The following FER variants were observed in gnomAD, a reference collection of about 807,000 sequenced individuals.
FER encodes the protein FER tyrosine kinase.
In FER, 63 loss-of-function variants were observed where a neutral mutation model predicts 111.0. The observed-to-expected ratio is 0.57, with a 90% CI of 0.46 to 0.70. FER has a LOEUF of 0.70. FER is among the 30% of genes least tolerant of loss of function. FER has a pLI of 0.00. For synonymous variants in FER, 327 were observed against 313.9 expected, an observed-to-expected ratio of 1.04 and a Z score of -0.44; for missense variants, 914 against 954.0, an observed-to-expected ratio of 0.96 and a Z score of 0.55.
intron 19 of FER, among the ~76,000 whole-genome samples, chr5:109,186,987 T>TAA (rs925661556): frequency 3.3e-5 from 5 of 152,214 alleles, no homozygotes; most frequent in Non-Finnish European, 5.9e-5. Context: ...CAACAGACGG[T>TAA]AAAAGAATAT....
chr5:108,889,310 C>T (rs926326619), intron 9 of FER, among the ~76,000 whole-genome samples: 2 of 151,740 alleles, frequency 1.3e-5, no homozygotes, highest in East Asian at 1.9e-4. Flanking sequence ...AAGCAACCTA[C>T]GTGTCCATCA....
intron 16 of FER, among the ~76,000 whole-genome samples, chr5:109,054,293 A>C (rs1281031146): frequency 6.6e-6 from 1 of 152,220 alleles, no homozygotes; most frequent in East Asian, 1.9e-4. Flanking sequence ...CGTCGTCAGC[A>C]CTTACTTGGC....
At chr5:108,921,050 A>G (rs1483801467) in intron 10 of FER, among the ~76,000 whole-genome samples, 2 of 152,098 alleles carry the variant, frequency 1.3e-5, no homozygotes, top group Non-Finnish European at 2.9e-5. Context: ...CGTATGACCA[A>G]CTGCCTTCTT....
intron 8 of FER, among the ~76,000 whole-genome samples, chr5:108,880,806 C>T (rs1349241701): frequency 1.3e-5 from 2 of 151,866 alleles, no homozygotes; most frequent in Non-Finnish European, 2.9e-5. Flanking sequence ...AGTATTATTG[C>T]TTTATTTTGC....
chr5:108,957,991 A>G (rs936717834), intron 12 of FER, among the ~76,000 whole-genome samples: 1 of 151,642 alleles, frequency 6.6e-6, no homozygotes, highest in African/African-American at 2.4e-5. Context: ...AGGTCTGCCT[A>G]CTATGTACAA....
chr5:109,003,950 A>G (rs563610361), intron 13 of FER, among the ~76,000 whole-genome samples: 3 of 152,364 alleles, frequency 2.0e-5, no homozygotes, highest in Non-Finnish European at 4.4e-5. Flanking sequence ...ACTGCACTTC[A>G]GCCTGGGCGA....
chr5:108,816,135 A>G (rs1405091026), intron 3 of FER, among the ~76,000 whole-genome samples: 1 of 151,970 alleles, frequency 6.6e-6, no homozygotes, highest in South Asian at 2.1e-4. Context: ...AAAAAAAACC[A>G]TGAGTTTGTT....
intron 1 of FER, among the ~76,000 whole-genome samples, chr5:108,749,509 T>C (rs533713251): frequency 1.3e-3 from 200 of 152,260 alleles, no homozygotes; most frequent in African/African-American, 4.3e-3. Context: ...TACGGGGGCA[T>C]TCTCAACCCC....
intron 1 of FER, among the ~76,000 whole-genome samples, chr5:108,750,318 GTA>G (rs536564642): frequency 2.6e-5 from 4 of 152,140 alleles, no homozygotes; most frequent in Non-Finnish European, 5.9e-5. Context: ...TGTAGTCCTG[GTA>G]TATATACCTG....
chr5:108,767,468 G>C (rs1752447925), intron 1 of FER, among the ~76,000 whole-genome samples: 1 of 152,070 alleles, frequency 6.6e-6, no homozygotes, highest in African/African-American at 2.4e-5. Flanking sequence ...ATAATCACTG[G>C]CTTCTTCTGA....
intron 5 of FER, among the ~76,000 whole-genome samples, chr5:108,863,983 A>G (rs1392575775): frequency 6.6e-6 from 1 of 152,144 alleles, no homozygotes; most frequent in Non-Finnish European, 1.5e-5. Flanking sequence ...CTAGTTTTAG[A>G]ACATGTTTCT....
intron 13 of FER, among the ~76,000 whole-genome samples, chr5:108,966,763 A>G (rs555541170): frequency 1.8e-4 from 27 of 152,156 alleles, no homozygotes; most frequent in Middle Eastern, 3.2e-3. Context: ...AATGTACAAC[A>G]AAATGTACAA....
chr5:109,034,180 G>C (rs1271765353), intron 13 of FER, among the ~76,000 whole-genome samples: 2 of 152,066 alleles, frequency 1.3e-5, no homozygotes, highest in Non-Finnish European at 2.9e-5. Flanking sequence ...CCAACATTCT[G>C]TTCTCTACTG....
intron 13 of FER, among the ~76,000 whole-genome samples, chr5:108,976,114 G>A (rs1761305213): frequency 6.6e-6 from 1 of 152,084 alleles, no homozygotes; most frequent in African/African-American, 2.4e-5. Flanking sequence ...TTTAGCATGC[G>A]ACAAGGGCCT....
chr5:108,791,155 A>G (rs752010290), intron 2 of FER, among the ~76,000 whole-genome samples: 1 of 152,174 alleles, frequency 6.6e-6, no homozygotes, highest in Non-Finnish European at 1.5e-5. Flanking sequence ...TTGGTCGGGT[A>G]TATACCTGGG....
chr5:108,777,856 C>G (rs747569122), intron 2 of FER, among the ~76,000 whole-genome samples: 5 of 152,102 alleles, frequency 3.3e-5, no homozygotes, highest in Non-Finnish European at 7.4e-5. Flanking sequence ...TCTCGTGAGA[C>G]CCATTCACGA....
At chr5:109,106,723 A>C (rs767355101) in intron 17 of FER, among the ~76,000 whole-genome samples, 3 of 152,124 alleles carry the variant, frequency 2.0e-5, no homozygotes, top group Non-Finnish European at 2.9e-5. Flanking sequence ...CTACTGCTTT[A>C]TTCAGGGTAA....
intron 16 of FER, among the ~76,000 whole-genome samples, chr5:109,067,368 A>G (rs2149983494): frequency 6.6e-6 from 1 of 152,168 alleles, no homozygotes; most frequent in African/African-American, 2.4e-5. Flanking sequence ...TCTCTTCTTG[A>G]AGATAGCTCC....
chr5:108,899,011 T>C (rs1478709684), intron 10 of FER, among the ~76,000 whole-genome samples: 1 of 151,728 alleles, frequency 6.6e-6, no homozygotes, highest in Non-Finnish European at 1.5e-5. Context: ...ATGCTATAGC[T>C]GATATTTTAG....
Sources: allele counts gnomAD v4.1 joint callset (sites outside exome capture counted in the v4.1 genomes callset), GRCh38; gene constraint gnomAD v4.1.1; transcripts MANE v1.5; gene names NCBI Gene and HGNC (gene_info 2026-07-23, HGNC 2026-07-21).